Variants in UTP20 observed in about 807,000 individuals in gnomAD.
The protein encoded by UTP20 is UTP20 small subunit processome component.
Under a neutral mutation model 329.5 loss-of-function variants are expected in UTP20, and 164 were observed. The observed-to-expected ratio is 0.50, with a 90% confidence interval of 0.44 to 0.57. The LOEUF (loss-of-function observed/expected upper bound fraction) is 0.57, where lower values mean the gene tolerates loss of function less well. Ranked by LOEUF, UTP20 falls within the 20% of genes least tolerant of loss-of-function variation. The pLI, the probability that UTP20 is intolerant of heterozygous loss-of-function variation, is 0.00. For synonymous variants in UTP20, 1,151 were observed against 1,159.3 expected (o/e 0.99, Z 0.14); for missense variants, 3,055 against 3,284.2 (o/e 0.93, Z 1.71).
In UTP20 at chr12:101,379,523, G is replaced by A. The variant is rs140552393; in HGVS notation, c.7549G>A (p.Ala2517Thr). The A allele has an allele frequency of 3.1e-5, 50 of 1,613,788 alleles. No homozygotes were observed. The African/African-American group carries it at 6.5e-4, about 21-fold the overall frequency. ...CAAAAAACACCTCCCAGAACCTGTA[G>A]CAATCAAGTTCCTAGCCAGTGACCT... ...KTKKHLPEPVAIKFLASDLDQ... is the reference protein window; with the variant it reads ...KTKKHLPEPVTIKFLASDLDQ... Residue 2517 changes from alanine to threonine, a missense_variant, in exon 57 of 62, where the codon GCA becomes ACA. Physicochemically the swap from Ala to Thr is moderately conservative, Grantham distance 58 (BLOSUM62 0). Around this residue, in one of 3 missense-constraint regions of UTP20, gnomAD observed 337 missense variants for 345.5 expected, o/e 0.98. Coordinates refer to ENST00000261637, the MANE Select transcript of UTP20 (RefSeq NM_014503.3).
At chr12:101,348,160 C>T (rs552547273) in intron 38 of UTP20, among the ~76,000 whole-genome samples, 1 of 152,254 alleles carries the variant, frequency 6.6e-6, no homozygotes, top group Admixed American at 6.5e-5. Context: ...ATATTTTTAA[C>T]CTAATTATGA....
At chr12:101,311,455 T>C (rs1301726540) in intron 19 of UTP20, among the ~76,000 whole-genome samples, 1 of 152,238 alleles carries the variant, frequency 6.6e-6, no homozygotes, top group Non-Finnish European at 1.5e-5. Flanking sequence ...TTCATCAGTG[T>C]GCCTTTAAAA....
chr12:101,350,457 G>A (rs940306416), intron 38 of UTP20, among the ~76,000 whole-genome samples: 2 of 152,106 alleles, frequency 1.3e-5, no homozygotes, highest in African/African-American at 4.8e-5. Context: ...ATGCCCAGCT[G>A]TAATTTCTTA....
chr12:101,372,876 G>C lies in UTP20; in HGVS notation c.6799-8G>C. ...CCAAATAATCATCTGTGTGACTTTT[G>C]TTCCTAGGTTTTTCTGAAATATATT... is the stretch of plus-strand genomic sequence containing the variant. On this transcript the variant is annotated splice_region_variant and splice_polypyrimidine_tract_variant and intron_variant, in intron 51 of 61. Coordinates refer to ENST00000261637, the MANE Select transcript of UTP20 (RefSeq NM_014503.3). The C allele has an allele frequency of 1.9e-6, 3 of 1,611,386 alleles. No homozygotes were observed. The highest frequency in any genetic ancestry group is 2.5e-6 in the Non-Finnish European group (3 of 1,177,598).
chr12:101,362,271 C>G (rs900460249), intron 44 of UTP20, among the ~76,000 whole-genome samples: 22 of 152,098 alleles, frequency 1.4e-4, no homozygotes, highest in Non-Finnish European at 3.1e-4. Context: ...TATGATCTTT[C>G]CGGAAAGTAA....
chr12:101,315,633 A>G (rs773749038), intron 21 of UTP20, among the ~76,000 whole-genome samples: 1 of 152,166 alleles, frequency 6.6e-6, no homozygotes, highest in Non-Finnish European at 1.5e-5. Flanking sequence ...AAAAGCAATG[A>G]TTTTCTCTTT....
chr12:101,385,097 CAAA>C (rs35335261), intron 60 of UTP20, among the ~76,000 whole-genome samples: 17 of 114,104 alleles, frequency 1.5e-4, no homozygotes, highest in Admixed American at 3.8e-4. Flanking sequence ...ACTCCCCCGC[CAAA>C]AAAAAAAAAA....
chr12:101,294,185 A>G (rs7953724), intron 11 of UTP20, among the ~76,000 whole-genome samples: 98,261 of 151,526 alleles, frequency 0.65, 32,293 homozygotes, highest in East Asian at 0.95. Flanking sequence ...ACAGGCACCC[A>G]CCACCACGCC....
intron 36 of UTP20, 126 bp from the exon 37 acceptor site, chr12:101,345,428 C>T: frequency 1.5e-6 from 1 of 684,296 alleles, no homozygotes; most frequent in African/African-American, 1.8e-5. Flanking sequence ...CTCAAGCAAT[C>T]CTGACTTTTT....
intron 57 of UTP20, among the ~76,000 whole-genome samples, chr12:101,379,871 G>A (rs1282630223): frequency 2.6e-5 from 4 of 151,716 alleles, no homozygotes; most frequent in African/African-American, 4.8e-5. Context: ...CCAGGCTGGC[G>A]TGCAGTGGTG....
rs146353954 is a variant in UTP20 at position 101,369,827 on chromosome 12, A to G, written c.6491A>G (p.Lys2164Arg). ...ACAAAACACCTCTTCCTTCTGCTGA[A>G]GGACTATGCAAAGCTCGGGGCCGCC... ...QLTKHLFLLL[K>R]DYAKLGAARG... The change falls in exon 49 of 62, where the codon AAG becomes AGG. Residue 2164 changes from lysine (K) to arginine (R), a missense_variant. Physicochemically the swap from Lys to Arg is conservative, Grantham distance 26. Around this residue, in one of 3 missense-constraint regions of UTP20, gnomAD observed 2,445 missense variants for 2,575.5 expected, o/e 0.95. Coordinates refer to ENST00000261637, the MANE Select transcript of UTP20 (RefSeq NM_014503.3). The G allele has an allele frequency of 1.2e-4, 199 of 1,614,110 alleles. No homozygotes were observed. The African/African-American group carries it at 2.0e-3, about 16-fold the overall frequency.
intron 26 of UTP20, among the ~76,000 whole-genome samples, 183 bp downstream of exon 26, chr12:101,327,430 T>A (rs1311397862): frequency 6.6e-6 from 1 of 152,232 alleles, no homozygotes; most frequent in Non-Finnish European, 1.5e-5. Context: ...TGAAACTGAC[T>A]GTTGGCCCTG....
chr12:101,359,393 C>T (rs1869834714), intron 43 of UTP20, among the ~76,000 whole-genome samples: 1 of 151,744 alleles, frequency 6.6e-6, no homozygotes, highest in African/African-American at 2.4e-5. Flanking sequence ...AAATTTCCTG[C>T]AGTGCACTCT....
intron 15 of UTP20, among the ~76,000 whole-genome samples, chr12:101,304,663 C>T (rs144576401): frequency 6.6e-6 from 1 of 152,302 alleles, no homozygotes; most frequent in Non-Finnish European, 1.5e-5. Flanking sequence ...CTGTTACTGG[C>T]ATCTAGTGGG....
Position 101,329,463 on chromosome 12 carries a change from T to C in UTP20, c.3417+14T>C. 1.9e-6 allele frequency: 3 copies of C among 1,599,886 alleles called. No individual in the cohort carries two copies. Among genetic ancestry groups the C allele is most frequent in the South Asian group, 1.1e-5 (1 of 90,650 alleles). ...CAACGAGAAAAGGTTAGATTCACTATAGATGCTTTCAAGTCAAGTGCTTGA... is the reference window on the plus strand; with the variant it reads ...CAACGAGAAAAGGTTAGATTCACTACAGATGCTTTCAAGTCAAGTGCTTGA... On this transcript the variant is annotated intron_variant, in intron 27 of 61. Coordinates refer to ENST00000261637, the MANE Select transcript of UTP20 (RefSeq NM_014503.3).
chr12:101,351,906 G>T, intron 38 of UTP20, 149 bp from the exon 39 acceptor site: 5 of 860,286 alleles, frequency 5.8e-6, no homozygotes, highest in Non-Finnish European at 7.1e-6. Flanking sequence ...TGTTTTCCTG[G>T]GGTTAGAGGG....
intron 24 of UTP20, 121 bp downstream of exon 24, chr12:101,321,058 A>G: frequency 1.2e-6 from 1 of 817,558 alleles, no homozygotes. Flanking sequence ...TTCTGAGGTC[A>G]TCGTATTTCC....
intron 57 of UTP20, among the ~76,000 whole-genome samples, chr12:101,380,178 G>T (rs1870596215): frequency 6.6e-6 from 1 of 152,220 alleles, no homozygotes; most frequent in East Asian, 1.9e-4. Flanking sequence ...AGGAGTTCGA[G>T]ACTAGCCTGG....
chr12:101,339,197 C>G (rs1423025804), intron 31 of UTP20, among the ~76,000 whole-genome samples: 1 of 152,088 alleles, frequency 6.6e-6, no homozygotes, highest in Non-Finnish European at 1.5e-5. Context: ...CCTGTAATCT[C>G]AGCTACTCAG....
Sources: allele counts gnomAD v4.1 joint callset (sites outside exome capture counted in the v4.1 genomes callset), GRCh38; gene constraint gnomAD v4.1.1; regional missense constraint gnomAD v4.1.1; transcripts MANE v1.5; gene names NCBI Gene and HGNC (gene_info 2026-07-23, HGNC 2026-07-21).